The following S100Z variants were observed in gnomAD, a reference collection of about 807,000 sequenced individuals.
S100Z encodes protein S100-Z.
Under a neutral mutation model 8.5 loss-of-function variants are expected in S100Z, and 11 were observed. The observed-to-expected ratio is 1.30, with a 90% CI of 0.82 to 2.15. S100Z has a LOEUF of 2.15. Among genes scored for constraint, S100Z ranks in the 30% most tolerant of loss-of-function variants. The pLI is 0.00. For missense variants in S100Z, 126 were observed against 117.9 expected, an observed-to-expected ratio of 1.07 and a Z score of -0.32; for synonymous variants, 34 against 43.8, an observed-to-expected ratio of 0.78 and a Z score of 0.89.
At chr5:76,888,655 C>T (rs972127782) in intron 4 of S100Z, among the ~76,000 whole-genome samples, 6 of 152,034 alleles carry the variant, frequency 3.9e-5, no homozygotes, top group Non-Finnish European at 5.9e-5. Context: ...GGATTACAGG[C>T]GTGAGCCACC....
intron 4 of S100Z, among the ~76,000 whole-genome samples, chr5:76,900,639 A>G (rs534335636): frequency 6.6e-6 from 1 of 152,140 alleles, no homozygotes; most frequent in East Asian, 1.9e-4. Context: ...TCTCTGTGTA[A>G]TCTTGAATTT....
chr5:76,910,443 C>T (rs576420960), intron 4 of S100Z, among the ~76,000 whole-genome samples: 13 of 152,284 alleles, frequency 8.5e-5, no homozygotes, highest in African/African-American at 3.1e-4. Flanking sequence ...TTAGTCATGG[C>T]CCTCACACAA....
chr5:76,934,602 T>C, the S100Z span, among the ~76,000 whole-genome samples: 2 of 152,150 alleles, frequency 1.3e-5, no homozygotes, highest in African/African-American at 4.8e-5. Context: ...TTAGCACCCT[T>C]ATAAAAGGGC....
intron 4 of S100Z, among the ~76,000 whole-genome samples, chr5:76,898,230 A>G (rs916097914): frequency 6.6e-6 from 1 of 151,620 alleles, no homozygotes; most frequent in Non-Finnish European, 1.5e-5. Context: ...GGCTCACTGC[A>G]ACCTCCACCT....
At chr5:76,854,153 T>C (rs991623779) in intron 1 of S100Z, among the ~76,000 whole-genome samples, 5 of 152,134 alleles carry the variant, frequency 3.3e-5, no homozygotes. Flanking sequence ...CTCAAGTATT[T>C]CTTTATAGTA....
At chr5:76,884,872 C>G (rs777626155) in intron 4 of S100Z, among the ~76,000 whole-genome samples, 4 of 151,798 alleles carry the variant, frequency 2.6e-5, no homozygotes, top group African/African-American at 7.3e-5. Context: ...TCAAAGGACT[C>G]AAGAGCTTGG....
chr5:76,936,287 T>C, the S100Z span, among the ~76,000 whole-genome samples: 1 of 152,084 alleles, frequency 6.6e-6, no homozygotes. Context: ...GAAATCATAT[T>C]GCATCTCTGA....
At chr5:76,885,353 A>G (rs1743569776) in intron 4 of S100Z, among the ~76,000 whole-genome samples, 2 of 149,254 alleles carry the variant, frequency 1.3e-5, no homozygotes, top group African/African-American at 5.0e-5. Context: ...GAAAGTTGAA[A>G]CGGGGTGGGA....
the S100Z span, among the ~76,000 whole-genome samples, chr5:76,936,355 AT>A: frequency 6.6e-6 from 1 of 152,166 alleles, no homozygotes; most frequent in Non-Finnish European, 1.5e-5. Flanking sequence ...CTATAAGCTT[AT>A]TTTTATAAGA....
chr5:76,950,378 T>C, the S100Z span, among the ~76,000 whole-genome samples: 1 of 152,232 alleles, frequency 6.6e-6, no homozygotes, highest in Admixed American at 6.5e-5. Context: ...TGTGTGTGTC[T>C]CATCAGTCTA....
intron 3 of S100Z, among the ~76,000 whole-genome samples, chr5:76,877,196 C>T (rs1287095041): frequency 1.3e-5 from 2 of 152,088 alleles, no homozygotes; most frequent in African/African-American, 4.8e-5. Flanking sequence ...TAAGCACTTT[C>T]AAAAGTGTGA....
intron 4 of S100Z, among the ~76,000 whole-genome samples, chr5:76,911,356 A>G (rs1043703279): frequency 1.3e-5 from 2 of 152,196 alleles, no homozygotes; most frequent in Non-Finnish European, 2.9e-5. Context: ...CTCTATATCC[A>G]GTTGTACCCA....
At chr5:76,926,885 C>G in the S100Z span, among the ~76,000 whole-genome samples, 1 of 152,214 alleles carries the variant, frequency 6.6e-6, no homozygotes, top group African/African-American at 2.4e-5. Flanking sequence ...TGTATAAACA[C>G]AAGGATTAGG....
intron 4 of S100Z, among the ~76,000 whole-genome samples, chr5:76,893,749 C>T (rs1743943533): frequency 6.6e-6 from 1 of 152,036 alleles, no homozygotes; most frequent in South Asian, 2.1e-4. Context: ...GTGTGTGGGT[C>T]CCCAGGGGCA....
At chr5:76,908,309 A>G (rs1393135040) in intron 4 of S100Z, among the ~76,000 whole-genome samples, 1 of 152,186 alleles carries the variant, frequency 6.6e-6, no homozygotes, top group Non-Finnish European at 1.5e-5. Context: ...CCCGGCAGCC[A>G]TGAGCGGAAC....
intron 1 of S100Z, among the ~76,000 whole-genome samples, chr5:76,857,163 G>C (rs919302441): frequency 1.3e-5 from 2 of 152,068 alleles, no homozygotes; most frequent in Non-Finnish European, 2.9e-5. Context: ...GTGGTGGCAG[G>C]TGCCTGTAAT....
the S100Z span, among the ~76,000 whole-genome samples, chr5:76,933,405 G>A: frequency 6.6e-6 from 1 of 152,184 alleles, no homozygotes; most frequent in Admixed American, 6.5e-5. Flanking sequence ...AGCGGGTGGA[G>A]GAATCACCTC....
chr5:76,919,141 G>A (rs974377826), intron 4 of S100Z, among the ~76,000 whole-genome samples: 1 of 152,146 alleles, frequency 6.6e-6, no homozygotes, highest in African/African-American at 2.4e-5. Flanking sequence ...GAATAAAGTT[G>A]CTATAAACAG....
chr5:76,887,179 C>T (rs1021835674), intron 4 of S100Z, among the ~76,000 whole-genome samples: 1 of 151,530 alleles, frequency 6.6e-6, no homozygotes, highest in Non-Finnish European at 1.5e-5. Flanking sequence ...TCACTGCAAC[C>T]TCTGCCTCCA....
Sources: allele counts gnomAD v4.1 joint callset (sites outside exome capture counted in the v4.1 genomes callset), GRCh38; gene constraint gnomAD v4.1.1; transcripts MANE v1.5; gene names NCBI Gene and HGNC (gene_info 2026-07-23, HGNC 2026-07-21).